NEK7: variants seen among roughly 807,000 people sequenced by gnomAD.
NEK7 encodes serine/threonine-protein kinase Nek7.
Under a neutral mutation model 44.6 loss-of-function variants are expected in NEK7, and 18 were observed. That is an observed-to-expected ratio of 0.40 (90% CI 0.28 to 0.60). The LOEUF (loss-of-function observed/expected upper bound fraction) is 0.60, where lower values mean the gene tolerates loss of function less well. NEK7 is among the 20% of genes least tolerant of loss of function. The pLI is 0.38. For synonymous variants in NEK7, 130 were observed against 121.1 expected, an observed-to-expected ratio of 1.07 and a Z score of -0.48; for missense variants, 256 against 366.5, an observed-to-expected ratio of 0.70 and a Z score of 2.46.
intron 2 of NEK7, among the ~76,000 whole-genome samples, chr1:198,247,554 A>G (rs948363738): frequency 6.6e-6 from 1 of 152,178 alleles, no homozygotes; most frequent in Non-Finnish European, 1.5e-5. Context: ...TAATTATAAG[A>G]ATTATCTTAT....
intron 1 of NEK7, among the ~76,000 whole-genome samples, chr1:198,214,089 G>T (rs1320011756): frequency 6.6e-6 from 1 of 152,080 alleles, no homozygotes; most frequent in Non-Finnish European, 1.5e-5. Context: ...TGTAACCAAG[G>T]AATTCACACA....
At chr1:198,173,238 G>A (rs1664504948) in intron 1 of NEK7, among the ~76,000 whole-genome samples, 1 of 152,212 alleles carries the variant, frequency 6.6e-6, no homozygotes. Flanking sequence ...AGACCAGCAT[G>A]AGCAACATAG....
At chr1:198,260,579 C>T (rs749502202) in intron 3 of NEK7, among the ~76,000 whole-genome samples, 6 of 151,802 alleles carry the variant, frequency 4.0e-5, no homozygotes, top group Admixed American at 6.6e-5. Flanking sequence ...ATATATGTAC[C>T]GGCATACATA....
chr1:198,200,198 G>A (rs1194083390), intron 1 of NEK7, among the ~76,000 whole-genome samples: 3 of 152,078 alleles, frequency 2.0e-5, no homozygotes, highest in Admixed American at 6.5e-5. Context: ...AGATTTCTGA[G>A]AAATTCTCTA....
intron 1 of NEK7, among the ~76,000 whole-genome samples, chr1:198,218,046 C>A (rs574446453): frequency 1.9e-3 from 287 of 151,880 alleles, no homozygotes; most frequent in Middle Eastern, 3.4e-3. Context: ...ATACCAATAT[C>A]ATTTTCACAG....
At chr1:198,279,210 T>TA in intron 7 of NEK7, 149 bp downstream of exon 7, 1 of 516,134 alleles carries the variant, frequency 1.9e-6, no homozygotes, top group South Asian at 3.0e-5. Context: ...CAACTCTCTA[T>TA]TAGGTATAAG....
At chr1:198,319,385 G>T (rs1459292668) in intron 9 of NEK7, 27 bp from the exon 10 acceptor site, 1 of 1,537,868 alleles carries the variant, frequency 6.5e-7, no homozygotes, top group Non-Finnish European at 8.9e-7. Flanking sequence ...GTCTTAATCA[G>T]GTTTTATTGT....
At chr1:198,197,549 T>A (rs1323004624) in intron 1 of NEK7, among the ~76,000 whole-genome samples, 1 of 152,244 alleles carries the variant, frequency 6.6e-6, no homozygotes, top group Non-Finnish European at 1.5e-5. Context: ...ATAGCTCCCC[T>A]GCTTAACTCA....
At chr1:198,243,839 T>C (rs1666753633) in intron 2 of NEK7, among the ~76,000 whole-genome samples, 2 of 152,138 alleles carry the variant, frequency 1.3e-5, no homozygotes, top group African/African-American at 4.8e-5. Context: ...AGGGAGATAA[T>C]TTTTCAAATA....
intron 1 of NEK7, among the ~76,000 whole-genome samples, chr1:198,190,865 A>G (rs1002048764): frequency 3.3e-5 from 5 of 152,042 alleles, no homozygotes; most frequent in African/African-American, 1.2e-4. Flanking sequence ...CTAGACTAGT[A>G]GAAGGATTTT....
intron 9 of NEK7, among the ~76,000 whole-genome samples, chr1:198,297,457 T>G (rs1182424052): frequency 6.6e-6 from 1 of 152,210 alleles, no homozygotes; most frequent in East Asian, 1.9e-4. Context: ...GCATGTGGTG[T>G]AAAATTGGCC....
At chr1:198,174,636 A>G (rs1057321627) in intron 1 of NEK7, among the ~76,000 whole-genome samples, 8 of 152,170 alleles carry the variant, frequency 5.3e-5, no homozygotes, top group African/African-American at 1.7e-4. Flanking sequence ...AGAAGACCTG[A>G]GCTAGAGTCA....
At chr1:198,185,323 T>C (rs761482271) in intron 1 of NEK7, among the ~76,000 whole-genome samples, 38 of 151,848 alleles carry the variant, frequency 2.5e-4, no homozygotes, top group South Asian at 6.2e-4. Context: ...ATTTGCGTTT[T>C]TAAAGAAGTG....
intron 2 of NEK7, among the ~76,000 whole-genome samples, chr1:198,240,805 C>T (rs1320926270): frequency 6.6e-6 from 1 of 152,174 alleles, no homozygotes; most frequent in African/African-American, 2.4e-5. Flanking sequence ...AAGCGATTCT[C>T]CTGCCTCAGC....
chr1:198,167,564 C>G (rs958407909), intron 1 of NEK7, among the ~76,000 whole-genome samples: 8 of 152,166 alleles, frequency 5.3e-5, no homozygotes, highest in Non-Finnish European at 7.4e-5. Context: ...TGTTACTGGA[C>G]TGCTTAGGCT....
At chr1:198,222,476 C>T (rs1666098630) in intron 1 of NEK7, among the ~76,000 whole-genome samples, 1 of 152,164 alleles carries the variant, frequency 6.6e-6, no homozygotes, top group Non-Finnish European at 1.5e-5. Context: ...TCCTTCCTGA[C>T]ACCTGCCCTG....
At chr1:198,183,003 G>C (rs1422172922) in intron 1 of NEK7, among the ~76,000 whole-genome samples, 1 of 152,144 alleles carries the variant, frequency 6.6e-6, no homozygotes, top group African/African-American at 2.4e-5. Context: ...ATTTGTGCTT[G>C]GCTTTGAGAG....
intron 7 of NEK7, among the ~76,000 whole-genome samples, chr1:198,292,100 AATG>A (rs1323619164): frequency 1.3e-5 from 2 of 152,216 alleles, no homozygotes; most frequent in African/African-American, 4.8e-5. Context: ...GCCTTAGACT[AATG>A]ATGATGAAAT....
intron 2 of NEK7, among the ~76,000 whole-genome samples, chr1:198,244,508 T>C (rs888978814): frequency 6.6e-6 from 1 of 152,176 alleles, no homozygotes; most frequent in Admixed American, 6.5e-5. Context: ...GAAGGAATTT[T>C]ATTTTCAAAT....
Sources: gnomAD v4.1 joint callset for allele counts (sites outside exome capture counted in the v4.1 genomes callset) on GRCh38, gnomAD v4.1.1 for gene constraint, MANE v1.5 for transcripts, NCBI Gene and HGNC (gene_info 2026-07-23, HGNC 2026-07-21) for gene names.